FAH: variants seen among roughly 807,000 people sequenced by gnomAD.
FAH encodes the protein fumarylacetoacetase.
In FAH, 47 loss-of-function variants were observed where a neutral mutation model predicts 55.8. The ratio of observed to expected loss-of-function variants is 0.84; its 90% CI spans 0.67 to 1.07. The LOEUF (loss-of-function observed/expected upper bound fraction) is 1.07. Ranked by LOEUF, FAH falls within the 50% of genes least tolerant of loss-of-function variation. The pLI is 0.00. For missense variants in FAH, 495 were observed against 545.9 expected (o/e 0.91, Z 0.93); for synonymous variants, 199 against 207.7 (o/e 0.96, Z 0.36).
intron 3 of FAH, chr15:80,160,106 C>G (rs973098118): frequency 9.3e-6 from 6 of 643,670 alleles, no homozygotes; most frequent in East Asian, 2.7e-5. Context: ...CAGGCCAGGC[C>G]CATTGGCCCT....
At chr15:80,174,973 G>A in intron 9 of FAH, 43 bp from the exon 10 acceptor site, 1 of 1,592,020 alleles carries the variant, frequency 6.3e-7, no homozygotes. Context: ...GGTGAGCTCA[G>A]CCCACCTGCC....
At chr15:80,154,752 T>C (rs1361116023) in intron 1 of FAH, among the ~76,000 whole-genome samples, 3 of 152,234 alleles carry the variant, frequency 2.0e-5, no homozygotes, top group Non-Finnish European at 4.4e-5. Context: ...ACCCCAACTC[T>C]GGTCCAGATT....
intron 5 of FAH, among the ~76,000 whole-genome samples, chr15:80,165,369 A>C (rs1567116530): frequency 2.0e-5 from 3 of 152,226 alleles, no homozygotes. Flanking sequence ...TCTCTACAAA[A>C]GTACAAAAAT....
At chr15:80,179,921 G>A (rs2041314837) in intron 11 of FAH, among the ~76,000 whole-genome samples, 1 of 152,128 alleles carries the variant, frequency 6.6e-6, no homozygotes, top group African/African-American at 2.4e-5. Context: ...AGATGGAAGA[G>A]CTTGGGGGAG....
chr15:80,177,830 A>T (rs1046229383), intron 11 of FAH, among the ~76,000 whole-genome samples: 1 of 152,228 alleles, frequency 6.6e-6, no homozygotes, highest in Non-Finnish European at 1.5e-5. Flanking sequence ...GTAAAGGTCT[A>T]GTTCCTGGTT....
At chr15:80,154,488 C>A (rs748676777) in intron 1 of FAH, among the ~76,000 whole-genome samples, 1 of 152,226 alleles carries the variant, frequency 6.6e-6, no homozygotes, top group South Asian at 2.1e-4. Context: ...AGCCCCATTC[C>A]GCTGTCCTCT....
intron 9 of FAH, chr15:80,173,365 TG>T (rs2041257574): frequency 1.6e-6 from 1 of 635,194 alleles, no homozygotes; most frequent in South Asian, 1.8e-5. Flanking sequence ...GCACAGTTCT[TG>T]GAGAAAACAC....
chr15:80,173,684 A>T, intron 9 of FAH: 1 of 236,462 alleles, frequency 4.2e-6, no homozygotes, highest in South Asian at 5.8e-5. Flanking sequence ...ACACCTGGCC[A>T]GAGTCACCTG....
At chr15:80,175,138 G>GTGCC (rs1567119733) in intron 10 of FAH, 47 bp downstream of exon 10, 1 of 1,518,792 alleles carries the variant, frequency 6.6e-7, no homozygotes, top group Admixed American at 1.7e-5. Context: ...GAGGCAATGT[G>GTGCC]TGCCTGTGTG....
intron 3 of FAH, 42 bp from the exon 4 acceptor site, chr15:80,160,368 T>A: frequency 6.2e-7 from 1 of 1,609,682 alleles, no homozygotes; most frequent in Non-Finnish European, 8.5e-7. Flanking sequence ...GACCGCGCTT[T>A]GCTGCCTACT....
intron 4 of FAH, among the ~76,000 whole-genome samples, chr15:80,161,257 T>C (rs1165921062): frequency 1.3e-5 from 2 of 151,754 alleles, no homozygotes; most frequent in African/African-American, 2.4e-5. Context: ...GGTTGACTGA[T>C]GGTGCCCTTT....
chr15:80,165,945 T>C (rs1183207797), intron 5 of FAH: 3 of 152,162 alleles, frequency 2.0e-5, no homozygotes, highest in African/African-American at 7.2e-5. Flanking sequence ...TACAAAATAA[T>C]TTATCAAACA....
intron 1 of FAH, 29 bp downstream of exon 1, chr15:80,153,164 G>C: frequency 6.7e-7 from 1 of 1,500,132 alleles, no homozygotes; most frequent in East Asian, 2.3e-5. Flanking sequence ...GCGTCCGGGC[G>C]CGGGGAGGGA....
chr15:80,157,988 G>A (rs2041113219), intron 1 of FAH, 72 bp from the exon 2 acceptor site: 1 of 1,137,210 alleles, frequency 8.8e-7, no homozygotes. Context: ...TCAATAGATA[G>A]GCTTTCTGAG....
intron 2 of FAH, 55 bp from the exon 3 acceptor site, chr15:80,159,701 G>T: frequency 6.2e-7 from 1 of 1,612,580 alleles, no homozygotes; most frequent in Non-Finnish European, 8.5e-7. Flanking sequence ...TGGAAGGAGG[G>T]ATACTCCCTG....
At chr15:80,169,633 A>G (rs2041223388) in intron 7 of FAH, among the ~76,000 whole-genome samples, 1 of 151,898 alleles carries the variant, frequency 6.6e-6, no homozygotes. Flanking sequence ...TCCTGGGTTC[A>G]CACCATTCTC....
chr15:80,158,148 A>G lies in FAH; in HGVS notation c.170A>G (p.Lys57Arg). 6.2e-7 allele frequency: 1 copy of G among 1,613,770 alleles called. No homozygotes were observed. The highest frequency in any genetic ancestry group is 8.5e-7 in the Non-Finnish European group (1 of 1,179,678). ...KHLFTGPVLS[K>R]HQDVFNQPTL... ...CTCTTTACTGGTCCTGTCCTCTCCA[A>G]ACACCAGGATGTCTTCAATCAGGTA... Residue 57 changes from lysine (K) to arginine (R), a missense_variant, in exon 2 of 14, where the codon AAA (lysine) becomes AGA (arginine). Lys to Arg is a conservative substitution (Grantham distance 26). Transcript: ENST00000561421.
chr15:80,162,416 C>A, intron 5 of FAH, 80 bp downstream of exon 5: 1 of 1,237,786 alleles, frequency 8.1e-7, no homozygotes, highest in Non-Finnish European at 1.2e-6. Context: ...CAGGAGCTGC[C>A]AAGTTCTTCT....
In FAH at chr15:80,160,396, G is replaced by A. The variant is rs139830755; in HGVS notation, c.315-14G>A. On this transcript the variant is annotated splice_polypyrimidine_tract_variant and intron_variant, in intron 3 of 13. Transcript: ENST00000561421. ...TGCCTACTTGACTTTGAAGCCCCTG[G>A]TTCTGTGTTTCAGTGCATTCATCTC... The A allele has an allele frequency of 7.1e-3, 11,457 of 1,614,108 alleles. 55 individuals carry two copies. Among genetic ancestry groups the A allele is most frequent in the Middle Eastern group, 0.024 (146 of 6,060 alleles).
Sources: gnomAD v4.1 joint callset for allele counts (sites outside exome capture counted in the v4.1 genomes callset) on GRCh38, gnomAD v4.1.1 for gene constraint, MANE v1.5 for transcripts, NCBI Gene and HGNC (gene_info 2026-07-23, HGNC 2026-07-21) for gene names.